Variants in ADGRV1 observed in about 807,000 individuals in gnomAD.
ADGRV1 encodes the protein adhesion G protein-coupled receptor V1, also known as G-protein coupled receptor 98.
ADGRV1 carries 359 observed loss-of-function variants against 596.2 expected under a neutral mutation model. The observed-to-expected ratio is 0.60, with a 90% CI of 0.55 to 0.66. The LOEUF is 0.66. Ranked by LOEUF, ADGRV1 falls within the 30% of genes least tolerant of loss-of-function variation. The pLI, the probability that ADGRV1 is intolerant of heterozygous loss-of-function variation, is 0.00. For missense variants in ADGRV1, 7,274 were observed against 7,575.6 expected (o/e 0.96, Z 1.48); for synonymous variants, 2,681 against 2,679.2 (o/e 1.00, Z -0.02).
chr5:90,721,172 C>T, intron 45 of ADGRV1, 113 bp downstream of exon 45: 1 of 910,354 alleles, frequency 1.1e-6, no homozygotes. Flanking sequence ...AAATGGAAAA[C>T]AGATAATCTA....
intron 71 of ADGRV1, chr5:90,804,961 C>G (rs1200439585): frequency 1.2e-5 from 2 of 172,978 alleles, no homozygotes; most frequent in East Asian, 3.0e-4. Flanking sequence ...TCTGGAAAGA[C>G]CCATGAACAA....
chr5:90,767,001 C>G (rs1202041528), intron 59 of ADGRV1, among the ~76,000 whole-genome samples: 1 of 152,010 alleles, frequency 6.6e-6, no homozygotes, highest in Non-Finnish European at 1.5e-5. Flanking sequence ...AACCACAGGA[C>G]AGTGGTATTT....
intron 85 of ADGRV1, among the ~76,000 whole-genome samples, chr5:91,026,601 G>A (rs1360045971): frequency 6.6e-6 from 1 of 152,018 alleles, no homozygotes; most frequent in African/African-American, 2.4e-5. Flanking sequence ...TCTTAGGGAG[G>A]CTTCATGACA....
At chr5:90,852,267 T>C (rs1766606689) in intron 79 of ADGRV1, among the ~76,000 whole-genome samples, 1 of 152,208 alleles carries the variant, frequency 6.6e-6, no homozygotes. Context: ...CCTTACTCTT[T>C]CTTTTCCTGA....
chr5:90,768,989 C>CT (rs1757419647), intron 59 of ADGRV1, among the ~76,000 whole-genome samples: 1 of 152,116 alleles, frequency 6.6e-6, no homozygotes, highest in Non-Finnish European at 1.5e-5. Context: ...TCAGAGCTGT[C>CT]TGAGTTAGAA....
Position 90,683,993 on chromosome 5 carries a change from A to C in ADGRV1, c.6072A>C (p.Pro2024=). ...CAACACTAGATGATATGGAAAAACC[A>C]CCTTATTTTCCACCTAATTTAGCGA... ...SYATLDDMEK[P]PYFPPNLARA... The change falls in exon 28 of 90, where the codon CCA becomes CCC. Residue 2024 remains proline, a synonymous_variant. Coordinates refer to ENST00000405460, the MANE Select transcript of ADGRV1 (RefSeq NM_032119.4). 6.2e-7 allele frequency: 1 copy of C among 1,613,890 alleles called. No individual in the cohort carries two copies.
At chr5:90,837,495 C>A (rs1414182810) in intron 77 of ADGRV1, among the ~76,000 whole-genome samples, 1 of 151,372 alleles carries the variant, frequency 6.6e-6, no homozygotes, top group African/African-American at 2.4e-5. Flanking sequence ...CTCAGTCTCT[C>A]GAGTAACTGC....
Position 90,614,975 on chromosome 5 carries a change from A to G in ADGRV1, c.163A>G (p.Ile55Val), listed in dbSNP as rs777084793. ...ETSTTVIRLI[I>V]ERIGEPANVT... ...AAGTACAACAGTTATTCGTCTTATCATTGAAAGGATAGGAGAGCCAGCAAA... is the reference window on the plus strand; with the variant it reads ...AAGTACAACAGTTATTCGTCTTATCGTTGAAAGGATAGGAGAGCCAGCAAA... Residue 55 changes from isoleucine to valine, a missense_variant, in exon 2 of 90, where the codon ATT (isoleucine) becomes GTT (valine). Physicochemically the swap from Ile to Val is conservative, Grantham distance 29. Coordinates refer to ENST00000405460, the MANE Select transcript of ADGRV1 (RefSeq NM_032119.4). 8 of 1,553,224 alleles carry G rather than the reference A, an allele frequency of 5.2e-6. No individual in the cohort carries two copies. The highest frequency in any genetic ancestry group is 7.0e-6 in the Non-Finnish European group (8 of 1,145,498).
chr5:90,973,820 C>G (rs535153148), intron 84 of ADGRV1, among the ~76,000 whole-genome samples: 129 of 152,244 alleles, frequency 8.5e-4, no homozygotes, highest in African/African-American at 2.9e-3. Flanking sequence ...CTCACCACTC[C>G]TATTCAACAT....
chr5:90,588,890 A>G (rs1324954239), intron 1 of ADGRV1, among the ~76,000 whole-genome samples: 1 of 152,204 alleles, frequency 6.6e-6, no homozygotes, highest in Non-Finnish European at 1.5e-5. Flanking sequence ...TGAAAACTTT[A>G]ACTCGGAGCC....
chr5:90,834,213 T>C (rs1246745219), intron 77 of ADGRV1, among the ~76,000 whole-genome samples: 1 of 152,234 alleles, frequency 6.6e-6, no homozygotes, highest in African/African-American at 2.4e-5. Flanking sequence ...TCTGTAATTT[T>C]CTGTGTCCTT....
intron 83 of ADGRV1, among the ~76,000 whole-genome samples, chr5:90,905,421 A>G (rs1268315891): frequency 6.6e-6 from 1 of 151,826 alleles, no homozygotes; most frequent in Non-Finnish European, 1.5e-5. Flanking sequence ...TCACTATTTT[A>G]TAGTTTTTAT....
At chr5:90,846,480 C>A in intron 78 of ADGRV1, 1 of 176,058 alleles carries the variant, frequency 5.7e-6, no homozygotes, top group Non-Finnish European at 1.1e-5. Context: ...GGTTCTTGGT[C>A]TCACTGACTT....
intron 85 of ADGRV1, among the ~76,000 whole-genome samples, chr5:91,045,921 T>A (rs1004743588): frequency 2.0e-5 from 3 of 151,912 alleles, no homozygotes; most frequent in Non-Finnish European, 4.4e-5. Context: ...ACACCTCTTA[T>A]AATAGCTGCA....
intron 79 of ADGRV1, among the ~76,000 whole-genome samples, chr5:90,852,588 G>A (rs1336183188): frequency 6.6e-6 from 1 of 152,002 alleles, no homozygotes; most frequent in African/African-American, 2.4e-5. Context: ...CCTTCAGTAG[G>A]GATTCTGATT....
At chr5:90,757,402 T>C (rs1171005848) in intron 57 of ADGRV1, among the ~76,000 whole-genome samples, 1 of 152,150 alleles carries the variant, frequency 6.6e-6, no homozygotes, top group African/African-American at 2.4e-5. Context: ...TTAAAATAAA[T>C]AGAAGTTACA....
rs961342838 is a variant in ADGRV1 at position 90,730,381 on chromosome 5, A to T, written c.10549+617A>T. Among the ~76,000 whole-genome samples, 10 of 152,330 alleles carry T rather than the reference A, an allele frequency of 6.6e-5. No homozygotes were observed. The East Asian group carries it at 1.9e-3, about 29-fold the overall frequency. ...TTCTTTTGTCTAGAGAAACATGAAGAGTGACATTAAATATATATTTTTAAA... is the reference window on the plus strand; with the variant it reads ...TTCTTTTGTCTAGAGAAACATGAAGTGTGACATTAAATATATATTTTTAAA... On this transcript the variant is annotated intron_variant, in intron 50 of 89. Transcript: ENST00000405460.
rs75923924 is a variant in ADGRV1, at chr5:90,786,860, G to T, written c.13654-1211G>T. Among the ~76,000 whole-genome samples, 538 of 152,296 alleles carry T rather than the reference G, an allele frequency of 3.5e-3. 5 individuals are homozygous for T. The highest frequency in any genetic ancestry group is 0.012 in the African/African-American group (516 of 41,570). On this transcript the variant is annotated intron_variant, in intron 67 of 89. Transcript: ENST00000405460. ...GATACTACTGACATCCCAGGGGAGGGTGGTCACATAGGCAGGGCAGCATGC... is the reference window on the plus strand; with the variant it reads ...GATACTACTGACATCCCAGGGGAGGTTGGTCACATAGGCAGGGCAGCATGC...
In ADGRV1 at chr5:90,708,884, T is replaced by C. The variant is rs749963726; in HGVS notation, c.8799T>C (p.Ala2933=). The C allele has an allele frequency of 1.9e-6, 3 of 1,611,374 alleles. No individual in the cohort carries two copies. The highest frequency in any genetic ancestry group is 2.7e-5 in the African/African-American group (2 of 74,880). The change falls in exon 39 of 90, where the codon GCT becomes GCC. Residue 2933 remains alanine (A), a synonymous_variant. Coordinates refer to ENST00000405460, the MANE Select transcript of ADGRV1 (RefSeq NM_032119.4). The stretch of plus-strand genomic sequence containing the variant: ...CTTACGTTGGACTTACCATGGCTGC[T>C]TCAACTTCATTTCCTCCCAGACTAG... ...NLTYVGLTMA[A]STSFPPRLDS... is the part of the protein sequence containing the mutation.
Sources: allele counts gnomAD v4.1 joint callset (sites outside exome capture counted in the v4.1 genomes callset), GRCh38; gene constraint gnomAD v4.1.1; transcripts MANE v1.5; gene names NCBI Gene and HGNC (gene_info 2026-07-23, HGNC 2026-07-21).